Variants in SCN10A observed in about 807,000 individuals in gnomAD.
The protein encoded by SCN10A is sodium channel protein type 10 subunit alpha.
Under a neutral mutation model 170.7 loss-of-function variants are expected in SCN10A, and 162 were observed. That is an observed-to-expected ratio of 0.95 (90% CI 0.84 to 1.08). The LOEUF is 1.08. Ranked by LOEUF, SCN10A falls within the 50% of genes least tolerant of loss-of-function variation. The pLI is 0.00. For synonymous variants in SCN10A, 985 were observed against 904.6 expected (o/e 1.09, Z -1.59); for missense variants, 2,527 against 2,436.9 (o/e 1.04, Z -0.78).
chr3:38,757,758 AAC>A (rs972649938), intron 8 of SCN10A, among the ~76,000 whole-genome samples: 57 of 152,218 alleles, frequency 3.7e-4, no homozygotes, highest in African/African-American at 1.3e-3. Context: ...GGAGAAATAT[AAC>A]TGTCAAGTAG....
chr3:38,784,076 A>G (rs2064170063), intron 4 of SCN10A, among the ~76,000 whole-genome samples: 1 of 152,124 alleles, frequency 6.6e-6, no homozygotes, highest in African/African-American at 2.4e-5. Context: ...ATTGATTTGT[A>G]GAGTTCATTA....
intron 1 of SCN10A, among the ~76,000 whole-genome samples, chr3:38,812,399 T>C (rs980253094): frequency 1.3e-5 from 2 of 152,184 alleles, no homozygotes; most frequent in Non-Finnish European, 2.9e-5. Context: ...AGGTAATGAA[T>C]AAAAATATTA....
intron 24 of SCN10A, among the ~76,000 whole-genome samples, chr3:38,710,504 A>G (rs2063261792): frequency 6.6e-6 from 1 of 152,006 alleles, no homozygotes; most frequent in Admixed American, 6.6e-5. Context: ...ATTCCTCCCT[A>G]TGCACCTTGA....
Position 38,736,969 on chromosome 3 carries a change from T to TG in SCN10A, c.2280+2545_2280+2546insC, listed in dbSNP as rs1333951157. Among the ~76,000 whole-genome samples the TG allele has an allele frequency of 4.4e-5, 4 of 91,894 alleles. 1 individual carries two copies. The highest frequency in any genetic ancestry group is 1.0e-4 in the African/African-American group (2 of 19,576). The allele number at this position is 91,894 out of a possible 152,430, so 60.3% of individuals were successfully genotyped here. On this transcript the variant is annotated intron_variant, in intron 15 of 27. Coordinates refer to ENST00000449082, the MANE Select transcript of SCN10A (RefSeq NM_006514.4). ...AAGTGTAGCAGAAATGTTCGTTTTT[T>TG]TTTTTTTTTTTTTTTTTTTGAGACG...
chr3:38,732,352 C>T (rs2063520755), intron 15 of SCN10A, among the ~76,000 whole-genome samples: 1 of 152,192 alleles, frequency 6.6e-6, no homozygotes, highest in Admixed American at 6.5e-5. Context: ...ATAAAGGTCA[C>T]TAACTGAAGA....
intron 18 of SCN10A, among the ~76,000 whole-genome samples, chr3:38,723,865 C>G (rs569978717): frequency 1.7e-4 from 26 of 152,354 alleles, no homozygotes; most frequent in Admixed American, 7.2e-4. Flanking sequence ...GCAGCTCCAG[C>G]CCTATAATGT....
intron 26 of SCN10A, among the ~76,000 whole-genome samples, chr3:38,704,678 T>A (rs1449863104): frequency 6.6e-6 from 1 of 152,234 alleles, no homozygotes; most frequent in Non-Finnish European, 1.5e-5. Context: ...TCTTGTGGAA[T>A]CCTTAACTTT....
intron 26 of SCN10A, among the ~76,000 whole-genome samples, chr3:38,703,337 C>A (rs2063176518): frequency 6.6e-6 from 1 of 152,214 alleles, no homozygotes; most frequent in South Asian, 2.1e-4. Context: ...GCACAAATCT[C>A]TAATGACCTA....
chr3:38,709,918 T>A (rs2063254118), intron 24 of SCN10A, among the ~76,000 whole-genome samples: 1 of 152,194 alleles, frequency 6.6e-6, no homozygotes. Flanking sequence ...GGAGTATTTA[T>A]CCTCAGACTC....
Position 38,698,147 on chromosome 3 carries a change from G to C in SCN10A, c.5073C>G (p.Asp1691Glu). The C allele has an allele frequency of 6.2e-7, 1 of 1,614,166 alleles. No homozygotes were observed. Among genetic ancestry groups the C allele is most frequent in the Non-Finnish European group, 8.5e-7 (1 of 1,180,028 alleles). ...NLPNSNGTRGDCGSPAVGIIF... is the reference protein window; with the variant it reads ...NLPNSNGTRGECGSPAVGIIF... The stretch of plus-strand genomic sequence containing the variant: ...TGATGCCTACGGCTGGGCTCCCACA[G>C]TCCCCTCTGGTGCCATTGCTGTTGG... The change falls in exon 28 of 28, where the codon GAC (aspartate) becomes GAG (glutamate). Residue 1691 changes from aspartate to glutamate, a missense_variant. By Grantham distance (45) the Asp-to-Glu change is conservative. Coordinates refer to ENST00000449082, the MANE Select transcript of SCN10A (RefSeq NM_006514.4).
intron 26 of SCN10A, among the ~76,000 whole-genome samples, chr3:38,703,940 A>G (rs1388646149): frequency 2.0e-5 from 3 of 152,236 alleles, no homozygotes; most frequent in African/African-American, 7.2e-5. Flanking sequence ...GCAAATTTGT[A>G]AATGAATGGA....
At chr3:38,743,077 T>G (rs945591563) in intron 13 of SCN10A, among the ~76,000 whole-genome samples, 1 of 152,208 alleles carries the variant, frequency 6.6e-6, no homozygotes, top group African/African-American at 2.4e-5. Context: ...CATTCCTTCA[T>G]TCTTCCAGAT....
chr3:38,788,978 T>C lies in SCN10A; in HGVS notation c.448A>G (p.Thr150Ala). ...ILVNCVCMTRTDLPEKIEYVF... is the reference protein window; with the variant it reads ...ILVNCVCMTRADLPEKIEYVF... ...CACTCAATTTTCTCTGGAAGGTCAGTTCGGGTCATGCACACACAATTAACC... is the reference window on the plus strand; with the variant it reads ...CACTCAATTTTCTCTGGAAGGTCAGCTCGGGTCATGCACACACAATTAACC... Residue 150 changes from threonine (T) to alanine (A), a missense_variant, in exon 4 of 28, where the codon ACT becomes GCT. Coordinates refer to ENST00000449082, the MANE Select transcript of SCN10A (RefSeq NM_006514.4). 1 of 1,609,218 alleles carries C rather than the reference T, an allele frequency of 6.2e-7. No individual in the cohort carries two copies. Among genetic ancestry groups the C allele is most frequent in the South Asian group, 1.1e-5 (1 of 90,944 alleles).
Position 38,728,427 on chromosome 3 carries a change from T to G in SCN10A, c.2640+115A>C, listed in dbSNP as rs745532972. The G allele has an allele frequency of 1.4e-4, 168 of 1,205,092 alleles. 2 individuals are homozygous for G. In the Middle Eastern group the frequency reaches 1.5e-3, roughly 11 times the overall value. 74.6% of individuals were successfully genotyped at this position (1,205,092 alleles called of 1,614,324 possible). On this transcript the variant is annotated intron_variant, in intron 16 of 27. Transcript: ENST00000449082. ...TGAATTTGAAAAGTTTGAAGACTTTTCAACCAGAGAAGTACAATCTGGGCA... is the reference window on the plus strand; with the variant it reads ...TGAATTTGAAAAGTTTGAAGACTTTGCAACCAGAGAAGTACAATCTGGGCA...
chr3:38,707,202 C>A, intron 26 of SCN10A, 77 bp downstream of exon 26: 1 of 1,476,470 alleles, frequency 6.8e-7, no homozygotes, highest in Admixed American at 1.8e-5. Flanking sequence ...CTCCCTCAGG[C>A]CCCTGCCTGA....
At position 38,712,281 on chromosome 3, in the gene SCN10A, C is replaced by A; in HGVS notation, c.3969G>T (p.Leu1323Phe). ...AGTCAGACTTGTTATTCACAATCGA[C>A]AAAGGTACAAGGGAAAACTCTCCAT... Reference protein sequence around the residue: ...YTDGEFSLVPLSIVNNKSDCK... With the variant: ...YTDGEFSLVPFSIVNNKSDCK... The change falls in exon 23 of 28, where the codon TTG becomes TTT. Residue 1323 changes from leucine to phenylalanine, a missense_variant. Transcript: ENST00000449082. The A allele has an allele frequency of 6.2e-7, 1 of 1,614,196 alleles. No individual in the cohort carries two copies. Among genetic ancestry groups the A allele is most frequent in the Non-Finnish European group, 8.5e-7 (1 of 1,180,022 alleles).
At chr3:38,751,509 G>T (rs1411166100) in intron 12 of SCN10A, among the ~76,000 whole-genome samples, 1 of 152,142 alleles carries the variant, frequency 6.6e-6, no homozygotes, top group Non-Finnish European at 1.5e-5. Context: ...ACCATTTATT[G>T]GTCTCTTTAC....
rs1236935030 is a variant in SCN10A, at chr3:38,729,943, G to A, written c.2281-1042C>T. On this transcript the variant is annotated intron_variant, in intron 15 of 27. Coordinates refer to ENST00000449082, the MANE Select transcript of SCN10A (RefSeq NM_006514.4). ...CTCTTTATGTGATGGGGGAGAGCGGGTCCACGTTCACCTTACACCCAATCT... is the reference window on the plus strand; with the variant it reads ...CTCTTTATGTGATGGGGGAGAGCGGATCCACGTTCACCTTACACCCAATCT... Among the ~76,000 whole-genome samples, 8 of 152,148 alleles carry A rather than the reference G, an allele frequency of 5.3e-5. No individual in the cohort carries two copies. In the East Asian group the frequency reaches 1.5e-3, roughly 29 times the overall value.
intron 11 of SCN10A, among the ~76,000 whole-genome samples, chr3:38,755,041 G>A (rs931812553): frequency 2.6e-5 from 4 of 151,954 alleles, no homozygotes; most frequent in Admixed American, 6.6e-5. Context: ...TTTTAGAGTG[G>A]GAGGCAGAAA....
Sources: gnomAD v4.1 joint callset for allele counts (sites outside exome capture counted in the v4.1 genomes callset) on GRCh38, gnomAD v4.1.1 for gene constraint, MANE v1.5 for transcripts, NCBI Gene and HGNC (gene_info 2026-07-23, HGNC 2026-07-21) for gene names.